The following CTSO variants were observed in gnomAD, a reference collection of about 807,000 sequenced individuals.
CTSO encodes the protein cathepsin O.
CTSO carries 40 observed loss-of-function variants against 42.4 expected under a neutral mutation model. That is an observed-to-expected ratio of 0.94 (90% CI 0.73 to 1.23). The LOEUF is 1.23. Among genes scored for constraint, CTSO ranks in the 50% most tolerant of loss-of-function variants. The probability of loss-of-function intolerance (pLI) is 0.00; values close to 1 mark genes in which losing one functional copy is unlikely to be tolerated. For synonymous variants in CTSO, 156 were observed against 146.2 expected, an observed-to-expected ratio of 1.07 and a Z score of -0.48; for missense variants, 441 against 396.0, an observed-to-expected ratio of 1.11 and a Z score of -0.96.
intron 5 of CTSO, among the ~76,000 whole-genome samples, chr4:155,933,992 G>A (rs1409743847): frequency 6.6e-6 from 1 of 152,202 alleles, no homozygotes; most frequent in Non-Finnish European, 1.5e-5. Flanking sequence ...AAGTAGCAAG[G>A]AGCCTAATGT....
intron 4 of CTSO, among the ~76,000 whole-genome samples, chr4:155,938,922 A>C (rs1043110467): frequency 2.6e-5 from 4 of 152,028 alleles, no homozygotes; most frequent in African/African-American, 9.7e-5. Context: ...GTGCCACTGT[A>C]CTCCAGCCTG....
intron 5 of CTSO, among the ~76,000 whole-genome samples, chr4:155,937,119 A>G (rs1467097757): frequency 6.6e-6 from 1 of 152,074 alleles, no homozygotes; most frequent in Non-Finnish European, 1.5e-5. Flanking sequence ...ATACATATAA[A>G]TTGTACCTTA....
intron 6 of CTSO, among the ~76,000 whole-genome samples, chr4:155,928,784 G>A (rs575504680): frequency 2.6e-5 from 4 of 152,280 alleles, no homozygotes; most frequent in East Asian, 3.9e-4. Context: ...TATTCTAAAT[G>A]TTCCCGATAC....
Position 155,939,432 on chromosome 4 carries a change from G to T in CTSO, c.491C>A (p.Ser164Ter). The T allele has an allele frequency of 6.2e-7, 1 of 1,614,010 alleles. No individual in the cohort carries two copies. Among genetic ancestry groups the T allele is most frequent in the Non-Finnish European group, 8.5e-7 (1 of 1,179,944 alleles). The change falls in exon 4 of 8, where the codon TCG (serine) becomes TAG (stop). Residue 164 changes from serine (S) to a stop codon, truncating the protein, a stop_gained. Transcript: ENST00000433477. LOFTEE classifies it high-confidence loss of function. The stretch of plus-strand genomic sequence containing the variant: ...TCCATTGCAGCCATAATTATTATAC[G>T]AACAGTCAATGACCTGCTGGACACT... ...DLSVQQVIDC[S>*]YNNYGCNGGS...
intron 1 of CTSO, among the ~76,000 whole-genome samples, chr4:155,947,675 C>T (rs1235023957): frequency 2.0e-5 from 3 of 152,152 alleles, no homozygotes; most frequent in African/African-American, 7.2e-5. Context: ...TTTTAAGTGA[C>T]TTTTCCGGTC....
Position 155,953,779 on chromosome 4 carries a change from CG to C in CTSO, c.68del (p.Ala23GlyfsTer32). 7.5e-7 allele frequency: 1 copy of C among 1,340,014 alleles called. No homozygotes were observed. Among genetic ancestry groups the C allele is most frequent in the Non-Finnish European group, 9.6e-7 (1 of 1,042,158 alleles). 83.0% of individuals were successfully genotyped at this position (1,340,014 alleles called of 1,614,324 possible). The stretch of plus-strand genomic sequence containing the variant: ...TCGGGGTGAAGGGGGCGCGGGAGTC[CG>C]CATCGCCGCCGCCCCGGCACAGCAG... ...LWLLCRGGGD[A>X]DSRAPFTPTW... On this transcript the variant is annotated frameshift_variant, in exon 1 of 8. Coordinates refer to ENST00000433477, the MANE Select transcript of CTSO (RefSeq NM_001334.3). LOFTEE classifies it high-confidence loss of function.
At chr4:155,942,532 T>A in intron 2 of CTSO, 76 bp from the exon 3 acceptor site, 1 of 658,898 alleles carries the variant, frequency 1.5e-6, no homozygotes, top group East Asian at 5.8e-5. Context: ...CATATATATT[T>A]GTTATATATA....
At chr4:155,934,843 GCCTT>G (rs1743302374) in intron 5 of CTSO, among the ~76,000 whole-genome samples, 1 of 152,288 alleles carries the variant, frequency 6.6e-6, no homozygotes, top group African/African-American at 2.4e-5. Context: ...GAAGGGAGTT[GCCTT>G]CTCTCAGATG....
At position 155,942,349 on chromosome 4, in the gene CTSO, G is replaced by A; in HGVS notation, c.352C>T (p.Gln118Ter). ...TGGTTTCTCACTTGTGTCACAACCT[G>A]CTTGTCCCTCCAGTCAAATCTTAAC... ...LPLRFDWRDK[Q>*]VVTQVRNQQM... Residue 118 changes from glutamine to a stop codon, truncating the protein, a stop_gained, in exon 3 of 8, where the codon CAG (glutamine) becomes TAG (stop). Coordinates refer to ENST00000433477, the MANE Select transcript of CTSO (RefSeq NM_001334.3). LOFTEE classifies it high-confidence loss of function. The A allele has an allele frequency of 6.3e-7, 1 of 1,585,510 alleles. No homozygotes were observed. The highest frequency in any genetic ancestry group is 8.6e-7 in the Non-Finnish European group (1 of 1,167,440).
chr4:155,940,889 T>C (rs1294178355), intron 3 of CTSO, among the ~76,000 whole-genome samples: 1 of 149,680 alleles, frequency 6.7e-6, no homozygotes, highest in East Asian at 2.0e-4. Flanking sequence ...ATCACCCCTA[T>C]AGCCAGCTTT....
intron 7 of CTSO, among the ~76,000 whole-genome samples, chr4:155,927,055 G>A (rs148609954): frequency 7.7e-4 from 117 of 152,208 alleles, no homozygotes; most frequent in African/African-American, 2.6e-3. Context: ...AGGCCTGATG[G>A]GGTTGCTAGT....
chr4:155,937,551 A>G (rs1345152898), intron 4 of CTSO, 68 bp from the exon 5 acceptor site: 3 of 1,487,056 alleles, frequency 2.0e-6, no homozygotes, highest in Non-Finnish European at 1.9e-6. Context: ...AACTTACTTC[A>G]CTGTGTCAAA....
At chr4:155,942,288 A>G in intron 3 of CTSO, 29 bp downstream of exon 3, 1 of 1,533,124 alleles carries the variant, frequency 6.5e-7, no homozygotes, top group Admixed American at 2.1e-5. Flanking sequence ...TGCTTAGATG[A>G]TTAGAAAAGA....
chr4:155,933,059 C>T (rs757203763), intron 5 of CTSO, among the ~76,000 whole-genome samples: 39 of 152,068 alleles, frequency 2.6e-4, no homozygotes, highest in Admixed American at 2.0e-4. Flanking sequence ...ATTCTCCTAA[C>T]ACCCTGCTCT....
At chr4:155,933,591 A>T (rs1461773767) in intron 5 of CTSO, among the ~76,000 whole-genome samples, 1 of 152,176 alleles carries the variant, frequency 6.6e-6, no homozygotes, top group Non-Finnish European at 1.5e-5. Context: ...CTTCCTAGAG[A>T]CTTGTCGAAT....
At chr4:155,943,730 A>G (rs1324027959) in intron 1 of CTSO, among the ~76,000 whole-genome samples, 1 of 152,198 alleles carries the variant, frequency 6.6e-6, no homozygotes, top group African/African-American at 2.4e-5. Flanking sequence ...GGGTAAATAA[A>G]TTAATAAATC....
At chr4:155,935,742 G>A (rs1349170339) in intron 5 of CTSO, among the ~76,000 whole-genome samples, 1 of 151,802 alleles carries the variant, frequency 6.6e-6, no homozygotes, top group South Asian at 2.1e-4. Context: ...TTTGTTCTCT[G>A]CCAAATCCCC....
At chr4:155,930,909 T>C (rs1743223527) in intron 5 of CTSO, among the ~76,000 whole-genome samples, 1 of 152,184 alleles carries the variant, frequency 6.6e-6, no homozygotes, top group South Asian at 2.1e-4. Context: ...AAGATTATCC[T>C]GAGACAGGCA....
intron 1 of CTSO, among the ~76,000 whole-genome samples, chr4:155,947,261 T>C (rs1743564858): frequency 6.6e-6 from 1 of 152,184 alleles, no homozygotes; most frequent in South Asian, 2.1e-4. Flanking sequence ...ACAAATGGAG[T>C]AATACTGATC....
Sources: gnomAD v4.1 joint callset for allele counts (sites outside exome capture counted in the v4.1 genomes callset) on GRCh38, gnomAD v4.1.1 for gene constraint, MANE v1.5 for transcripts, NCBI Gene and HGNC (gene_info 2026-07-23, HGNC 2026-07-21) for gene names.